The following ROR2 variants were observed in gnomAD, a reference collection of about 807,000 sequenced individuals.
ROR2 encodes the protein ROR family WNT receptor 2.
A neutral mutation model predicts 74.9 loss-of-function variants in ROR2; 33 were observed. The ratio of observed to expected loss-of-function variants is 0.44; its 90% confidence interval spans 0.33 to 0.59. The LOEUF (loss-of-function observed/expected upper bound fraction) is 0.59. ROR2 is among the 20% of genes least tolerant of loss of function. The probability of loss-of-function intolerance (pLI) is 0.02; values close to 1 mark genes in which losing one functional copy is unlikely to be tolerated. For synonymous variants in ROR2, 586 were observed against 558.7 expected (o/e 1.05, Z -0.69); for missense variants, 1,216 against 1,313.8 (o/e 0.93, Z 1.15).
Position 91,722,896 on chromosome 9 carries a change from A to G in ROR2, c.*766T>C, listed in dbSNP as rs548573232. 27 of 428,364 alleles carry G rather than the reference A, an allele frequency of 6.3e-5. No homozygotes were observed. The Middle Eastern group carries it at 3.3e-3, about 52-fold the overall frequency. 26.5% of individuals were successfully genotyped at this position (428,364 alleles called of 1,614,324 possible). On this transcript the variant is annotated 3_prime_UTR_variant, in exon 9 of 9. Coordinates refer to ENST00000375708, the MANE Select transcript of ROR2 (RefSeq NM_004560.4). ...GCTCTGTACATGATTCTTAACAAAA[A>G]TAACAATACCGTGTTCTGTACAATA...
chr9:91,837,702 A>G, intron 1 of ROR2, among the ~76,000 whole-genome samples: 1 of 152,204 alleles, frequency 6.6e-6, no homozygotes, highest in Non-Finnish European at 1.5e-5. Context: ...TTTTAAAAGG[A>G]GAAGACAAAT....
chr9:91,821,352 C>T (rs983810084), intron 1 of ROR2, among the ~76,000 whole-genome samples: 3 of 152,190 alleles, frequency 2.0e-5, no homozygotes, highest in African/African-American at 7.2e-5. Context: ...GATAGGCATG[C>T]ATTGCTTCGT....
At chr9:91,786,232 T>A (rs1165821216) in intron 1 of ROR2, among the ~76,000 whole-genome samples, 1 of 135,548 alleles carries the variant, frequency 7.4e-6, no homozygotes, top group African/African-American at 2.8e-5. Flanking sequence ...CAGACTGAGG[T>A]GAGAAGATCG....
intron 1 of ROR2, among the ~76,000 whole-genome samples, chr9:91,942,946 T>G (rs1831915442): frequency 6.6e-6 from 1 of 152,228 alleles, no homozygotes. Context: ...GTCACCCCGT[T>G]TATGGCATTT....
rs34963566 is a variant in ROR2 at position 91,830,809 on chromosome 9, C to CGTGTGTGTGT, written c.98-55001_98-54992dup. The stretch of plus-strand genomic sequence containing the variant: ...TTTACCAAAACTAAATAACTGTGTC[C>CGTGTGTGTGT]GTGTGTGTGTGTGTGTGTGTGTGTG... On this transcript the variant is annotated intron_variant, in intron 1 of 8. Coordinates refer to ENST00000375708, the MANE Select transcript of ROR2 (RefSeq NM_004560.4). 8.6e-3 allele frequency among the ~76,000 whole-genome samples: 1,207 copies of CGTGTGTGTGT among 139,650 alleles called. 15 individuals carry two copies. The highest frequency in any genetic ancestry group is 0.022 in the Admixed American group (303 of 13,822). The allele number at this position is 139,650 out of a possible 152,430, so 91.6% of individuals were successfully genotyped here.
chr9:91,861,114 T>A (rs959913561), intron 1 of ROR2, among the ~76,000 whole-genome samples: 5 of 152,116 alleles, frequency 3.3e-5, no homozygotes, highest in African/African-American at 9.7e-5. Flanking sequence ...TTTTTAAAGA[T>A]CTAAATAAAT....
Position 91,722,825 on chromosome 9 carries a change from T to C in ROR2, c.*837A>G, listed in dbSNP as rs1030550922. 2 of 571,146 alleles carry C rather than the reference T, an allele frequency of 3.5e-6. No homozygotes were observed. The highest frequency in any genetic ancestry group is 3.1e-6 in the Non-Finnish European group (1 of 319,610). 35.4% of individuals were successfully genotyped at this position (571,146 alleles called of 1,614,324 possible). On this transcript the variant is annotated 3_prime_UTR_variant, in exon 9 of 9. Coordinates refer to ENST00000375708, the MANE Select transcript of ROR2 (RefSeq NM_004560.4). Reference sequence around the variant, plus strand: ...TACTAAAGTCATCTTAAGACCAAAATACTTCAATGAAAATGGCATATTAAA... The same window carrying C: ...TACTAAAGTCATCTTAAGACCAAAACACTTCAATGAAAATGGCATATTAAA...
At chr9:91,922,729 A>G (rs1238483695) in intron 1 of ROR2, among the ~76,000 whole-genome samples, 1 of 152,204 alleles carries the variant, frequency 6.6e-6, no homozygotes, top group South Asian at 2.1e-4. Flanking sequence ...CTGTGATTAC[A>G]GGCAGGAGCC....
At chr9:91,909,823 CT>C (rs72401656) in intron 1 of ROR2, among the ~76,000 whole-genome samples, 111 of 58,640 alleles carry the variant, frequency 1.9e-3, no homozygotes, top group Middle Eastern at 0.024. Flanking sequence ...AATCTTTATT[CT>C]TTTTTTTTTT....
Position 91,724,691 on chromosome 9 carries a change from C to G in ROR2, c.1803G>C (p.Ala601=). 1.2e-6 allele frequency: 2 copies of G among 1,614,208 alleles called. No homozygotes were observed. Among genetic ancestry groups the G allele is most frequent in the Non-Finnish European group, 1.7e-6 (2 of 1,180,044 alleles). ...GGTGGCTGGATAGGTACTCCATCCCCGCCGCGATCTGTGCCACAAGGTGCA... is the reference window on the plus strand; with the variant it reads ...GGTGGCTGGATAGGTACTCCATCCCGGCCGCGATCTGTGCCACAAGGTGCA... ...DFVHLVAQIA[A]GMEYLSSHHV... Residue 601 remains alanine (A), a synonymous_variant, in exon 9 of 9, where the codon GCG becomes GCC. Coordinates refer to ENST00000375708, the MANE Select transcript of ROR2 (RefSeq NM_004560.4).
At chr9:91,927,646 C>T (rs1383686236) in intron 1 of ROR2, among the ~76,000 whole-genome samples, 1 of 149,336 alleles carries the variant, frequency 6.7e-6, no homozygotes, top group Non-Finnish European at 1.5e-5. Context: ...TCACTGCAAC[C>T]TCCACCTCCC....
At chr9:91,927,564 T>TA (rs1831442019) in intron 1 of ROR2, among the ~76,000 whole-genome samples, 1 of 80,696 alleles carries the variant, frequency 1.2e-5, no homozygotes, top group Admixed American at 1.4e-4. Context: ...TCTAGATTCT[T>TA]TTTTTTTTTT....
At chr9:91,896,879 C>T (rs1265005189) in intron 1 of ROR2, among the ~76,000 whole-genome samples, 1 of 152,184 alleles carries the variant, frequency 6.6e-6, no homozygotes, top group Non-Finnish European at 1.5e-5. Flanking sequence ...CCTGACAGGC[C>T]TCTGCTTTCT....
chr9:91,835,968 T>C (rs979301138), intron 1 of ROR2, among the ~76,000 whole-genome samples: 1 of 152,228 alleles, frequency 6.6e-6, no homozygotes, highest in Admixed American at 6.5e-5. Flanking sequence ...CTGTATAGCT[T>C]GAAAACAGCT....
intron 1 of ROR2, among the ~76,000 whole-genome samples, chr9:91,870,851 C>A (rs1829775569): frequency 6.6e-6 from 1 of 152,226 alleles, no homozygotes; most frequent in African/African-American, 2.4e-5. Context: ...TAGAATAAGT[C>A]TTTTCTAGTG....
intron 1 of ROR2, among the ~76,000 whole-genome samples, chr9:91,915,041 T>C (rs1831093701): frequency 6.6e-6 from 1 of 152,062 alleles, no homozygotes; most frequent in Admixed American, 6.5e-5. Context: ...AACTAGCCAT[T>C]TGAACAAAGG....
intron 2 of ROR2, among the ~76,000 whole-genome samples, chr9:91,759,278 G>A (rs574030369): frequency 3.9e-5 from 6 of 152,248 alleles, no homozygotes; most frequent in Middle Eastern, 3.4e-3. Context: ...CAGTGGAAAC[G>A]CACCTGTCTG....
chr9:91,869,141 T>C (rs1265809493), intron 1 of ROR2, among the ~76,000 whole-genome samples: 1 of 152,140 alleles, frequency 6.6e-6, no homozygotes, highest in African/African-American at 2.4e-5. Context: ...CACTGCAGCC[T>C]GGAACTACTG....
intron 1 of ROR2, among the ~76,000 whole-genome samples, chr9:91,791,358 T>C (rs1162747073): frequency 6.6e-6 from 1 of 152,320 alleles, no homozygotes; most frequent in Admixed American, 6.5e-5. Context: ...AGGGGTATAG[T>C]AGGCTAAACC....
Sources: allele counts gnomAD v4.1 joint callset (sites outside exome capture counted in the v4.1 genomes callset), GRCh38; gene constraint gnomAD v4.1.1; transcripts MANE v1.5; gene names NCBI Gene and HGNC (gene_info 2026-07-23, HGNC 2026-07-21).